Variants in TAF11 observed in about 807,000 individuals in gnomAD.
The protein encoded by TAF11 is transcription initiation factor TFIID subunit 11.
Under a neutral mutation model 23.0 loss-of-function variants are expected in TAF11, and 10 were observed. That is an observed-to-expected ratio of 0.43 (90% CI 0.27 to 0.74). The LOEUF (loss-of-function observed/expected upper bound fraction) is 0.74. Among genes scored for constraint, TAF11 ranks in the 30% least tolerant of loss-of-function variants. The pLI, the probability that TAF11 is intolerant of heterozygous loss-of-function variation, is 0.19. For missense variants in TAF11, 196 were observed against 261.7 expected (o/e 0.75, Z 1.73); for synonymous variants, 85 against 95.8 (o/e 0.89, Z 0.66).
At chr6:34,878,826 G>T in intron 4 of TAF11, 106 bp from the exon 5 acceptor site, 2 of 973,242 alleles carry the variant, frequency 2.1e-6, no homozygotes, top group Non-Finnish European at 3.1e-6. Flanking sequence ...AGCTTGCTAA[G>T]GAAATAAACA....
chr6:34,888,066 G>T, upstream of TAF11: 1 of 1,531,980 alleles, frequency 6.5e-7, no homozygotes, highest in Non-Finnish European at 8.7e-7. Context: ...GCGCAGCGAT[G>T]ACATCACCCC....
At position 34,878,638 on chromosome 6, in the gene TAF11, T is replaced by A. The variant is rs1313630322; in HGVS notation, c.588A>T (p.Ser196=). 1 of 1,613,922 alleles carries A rather than the reference T, an allele frequency of 6.2e-7. No individual in the cohort carries two copies. Among genetic ancestry groups the A allele is most frequent in the African/African-American group, 1.3e-5 (1 of 75,058 alleles). Residue 196 remains serine, a synonymous_variant, in exon 5 of 5, where the codon TCA becomes TCT. Coordinates refer to ENST00000361288, the MANE Select transcript of TAF11 (RefSeq NM_005643.4). ...GCTTCGAGTTAGGGATCTGTCCTTT[T>A]GACTTTAACCTTCTAACGGCTTCCC... ...HMREAVRRLK[S]KGQIPNSKHK... is the part of the protein sequence containing the mutation.
In TAF11 at chr6:34,877,484, G is replaced by GA. The variant is rs1161418744; in HGVS notation, c.*1105dup. 6.6e-6 allele frequency: 1 copy of GA among 152,462 alleles called. No individual in the cohort carries two copies. The allele number at this position is 152,462 out of a possible 1,614,324, so 9.4% of individuals were successfully genotyped here. On this transcript the variant is annotated 3_prime_UTR_variant, in exon 5 of 5. Coordinates refer to ENST00000361288, the MANE Select transcript of TAF11 (RefSeq NM_005643.4). ...AGTGTACTGGTTCTGTGAACCACCT[G>GA]AAAAAACAAATTAAATGTATTAAAC...
chr6:34,883,033 G>A lies in TAF11; in HGVS notation c.219C>T (p.Asp73=), dbSNP rs200171657. 1.9e-6 allele frequency: 3 copies of A among 1,611,264 alleles called. No individual in the cohort carries two copies. Among genetic ancestry groups the A allele is most frequent in the Non-Finnish European group, 2.5e-6 (3 of 1,179,238 alleles). The change falls in exon 2 of 5, where the codon GAC becomes GAT. Residue 73 remains aspartate (D), a synonymous_variant. Transcript: ENST00000361288. ...VSDLTTVERE[D]SSLLNPAAKK... ...TGGCTGCAGGATTAAGTAATGATGA[G>A]TCTTCCCTTTCAACTGTTGTTAAAT...
intron 1 of TAF11, among the ~76,000 whole-genome samples, chr6:34,885,551 C>T (rs1293586006): frequency 6.6e-6 from 1 of 152,072 alleles, no homozygotes; most frequent in Non-Finnish European, 1.5e-5. Flanking sequence ...GGTACATGAT[C>T]GATTTTTAAA....
rs1269500873 is a variant in TAF11, at chr6:34,877,732, C to T, written c.*858G>A. 6.6e-6 allele frequency: 1 copy of T among 152,166 alleles called. No individual in the cohort carries two copies. Among genetic ancestry groups the T allele is most frequent in the African/African-American group, 2.4e-5 (1 of 41,414 alleles). 9.4% of individuals were successfully genotyped at this position (152,166 alleles called of 1,614,324 possible). Reference sequence around the variant, plus strand: ...TATTGGAACACCAAAAAAGAATGATCAACTTCCCATTCCAACCAGCTAGAC... The same window carrying T: ...TATTGGAACACCAAAAAAGAATGATTAACTTCCCATTCCAACCAGCTAGAC... On this transcript the variant is annotated 3_prime_UTR_variant, in exon 5 of 5. Coordinates refer to ENST00000361288, the MANE Select transcript of TAF11 (RefSeq NM_005643.4).
rs1185509238 is a variant in TAF11 at position 34,880,326 on chromosome 6, T to C, written c.371A>G (p.Tyr124Cys). ...SEEQLNRYEM[Y>C]RRSAFPKAAI... is the part of the protein sequence containing the mutation. ...TGCCTTAGGGAAAGCTGAGCGGCGA[T>C]ACATTTCATAACGGTTCAGCTGCTC... The change falls in exon 3 of 5, where the codon TAT (tyrosine) becomes TGT (cysteine). Residue 124 changes from tyrosine (Y) to cysteine (C), a missense_variant. Transcript: ENST00000361288. The surrounding 1 kb of genome is among the most constrained non-coding windows in gnomAD (Gnocchi z 4.8). 1 of 1,614,150 alleles carries C rather than the reference T, an allele frequency of 6.2e-7. No individual in the cohort carries two copies.
chr6:34,882,319 C>T (rs936236863), intron 2 of TAF11, among the ~76,000 whole-genome samples: 4 of 146,448 alleles, frequency 2.7e-5, no homozygotes, highest in South Asian at 2.1e-4. Context: ...GCCTGAGCAA[C>T]GAGAGCGAAA....
chr6:34,883,961 T>C (rs1220079492), intron 1 of TAF11, among the ~76,000 whole-genome samples: 9 of 152,192 alleles, frequency 5.9e-5, no homozygotes, highest in Non-Finnish European at 1.3e-4. Context: ...TTTTAAACTC[T>C]TGGTTGGAGT....
Position 34,882,695 on chromosome 6 carries a change from A to C in TAF11, c.320+237T>G, listed in dbSNP as rs141494577. ...CATAACATAACATAACATTAGAGAAAGGGTTTCACTATGTTGCCCAGGCTG... is the reference window on the plus strand; with the variant it reads ...CATAACATAACATAACATTAGAGAACGGGTTTCACTATGTTGCCCAGGCTG... On this transcript the variant is annotated intron_variant, in intron 2 of 4. Transcript: ENST00000361288. 5.7e-3 allele frequency among the ~76,000 whole-genome samples: 863 copies of C among 152,192 alleles called. 11 individuals are homozygous for C. The highest frequency in any genetic ancestry group is 0.02 in the African/African-American group (827 of 41,540).
intron 1 of TAF11, among the ~76,000 whole-genome samples, chr6:34,883,664 G>C (rs1041970782): frequency 6.6e-6 from 1 of 152,094 alleles, no homozygotes; most frequent in Non-Finnish European, 1.5e-5. Flanking sequence ...AGATAGGTTT[G>C]TCTCTTATTA....
At chr6:34,881,739 C>T (rs1326273878) in intron 2 of TAF11, among the ~76,000 whole-genome samples, 1 of 152,014 alleles carries the variant, frequency 6.6e-6, no homozygotes, top group Non-Finnish European at 1.5e-5. Flanking sequence ...CTCTATCGCC[C>T]AGGCTGGAGT....
Position 34,877,480 on chromosome 6 carries a change from A to G in TAF11, c.*1110T>C, listed in dbSNP as rs960376972. On this transcript the variant is annotated 3_prime_UTR_variant, in exon 5 of 5. Transcript: ENST00000361288. ...TTTGAGTGTACTGGTTCTGTGAACC[A>G]CCTGAAAAAACAAATTAAATGTATT... The G allele has an allele frequency of 3.3e-5, 5 of 152,650 alleles. No individual in the cohort carries two copies. Among genetic ancestry groups the G allele is most frequent in the South Asian group, 2.1e-4 (1 of 4,836 alleles). 9.5% of individuals were successfully genotyped at this position (152,650 alleles called of 1,614,324 possible). A position where few individuals can be genotyped will look rare whatever the true frequency, so the allele number is the denominator to read the frequency against.
chr6:34,882,121 CGAA>C (rs1766443022), intron 2 of TAF11, among the ~76,000 whole-genome samples: 1 of 148,830 alleles, frequency 6.7e-6, no homozygotes. Flanking sequence ...GGGCGGATCA[CGAA>C]GTCAGGAGTT....
At chr6:34,883,131 TG>T in intron 1 of TAF11, 51 bp from the exon 2 acceptor site, 1 of 1,566,112 alleles carries the variant, frequency 6.4e-7, no homozygotes. Flanking sequence ...TTTCCAGGCT[TG>T]GGCAAAGTAA....
At position 34,877,849 on chromosome 6, in the gene TAF11, A is replaced by G. The variant is rs1178677139; in HGVS notation, c.*741T>C. Reference sequence around the variant, plus strand: ...GAATCTTAAATGTTTACAAGCACCAATTATTCTGCTATTCCTGCCATTACC... The same window carrying G: ...GAATCTTAAATGTTTACAAGCACCAGTTATTCTGCTATTCCTGCCATTACC... On this transcript the variant is annotated 3_prime_UTR_variant, in exon 5 of 5. Transcript: ENST00000361288. The G allele has an allele frequency of 2.6e-5, 4 of 152,256 alleles. No homozygotes were observed. The highest frequency in any genetic ancestry group is 2.1e-4 in the South Asian group (1 of 4,832). 9.4% of individuals were successfully genotyped at this position (152,256 alleles called of 1,614,324 possible).
Position 34,878,551 on chromosome 6 carries a change from C to T in TAF11, c.*39G>A, listed in dbSNP as rs1391857216. On this transcript the variant is annotated 3_prime_UTR_variant, in exon 5 of 5. Transcript: ENST00000361288. ...TCTTATAGGAAGTCTGGAACCAATA[C>T]TTCTTCCGTCAGTAACATAGGCCTT... 2 of 1,137,244 alleles carry T rather than the reference C, an allele frequency of 1.8e-6. No individual in the cohort carries two copies. The highest frequency in any genetic ancestry group is 1.7e-5 in the Admixed American group (1 of 59,274). 70.4% of individuals were successfully genotyped at this position (1,137,244 alleles called of 1,614,324 possible).
At chr6:34,881,757 C>T (rs975550751) in intron 2 of TAF11, among the ~76,000 whole-genome samples, 3 of 151,848 alleles carry the variant, frequency 2.0e-5, no homozygotes, top group African/African-American at 4.8e-5. Flanking sequence ...AGTGCAGTGG[C>T]GCAGTCTTGG....
intron 2 of TAF11, among the ~76,000 whole-genome samples, chr6:34,882,425 C>T (rs1259342312): frequency 1.3e-5 from 2 of 151,716 alleles, no homozygotes; most frequent in East Asian, 1.9e-4. Context: ...GGGCAGATCA[C>T]GTGAGGTCAT....
Sources: gnomAD v4.1 joint callset for allele counts (sites outside exome capture counted in the v4.1 genomes callset) on GRCh38, gnomAD v4.1.1 for gene constraint, Gnocchi (gnomAD v3.1) non-coding constraint, MANE v1.5 for transcripts, NCBI Gene and HGNC (gene_info 2026-07-23, HGNC 2026-07-21) for gene names.